Variants in LIAS observed in about 807,000 individuals in gnomAD.
The protein encoded by LIAS is lipoyl synthase, mitochondrial.
In LIAS, 36 loss-of-function variants were observed where a neutral mutation model predicts 49.4. That is an observed-to-expected ratio of 0.73 (90% CI 0.56 to 0.96). The LOEUF (loss-of-function observed/expected upper bound fraction) is 0.96, where lower values mean the gene tolerates loss of function less well. Among genes scored for constraint, LIAS ranks in the 40% least tolerant of loss-of-function variants. The pLI is 0.00. For synonymous variants in LIAS, 145 were observed against 155.8 expected, an observed-to-expected ratio of 0.93 and a Z score of 0.52; for missense variants, 399 against 456.3, an observed-to-expected ratio of 0.87 and a Z score of 1.14.
At position 39,460,833 on chromosome 4, in the gene LIAS, C is replaced by T. The variant is rs796052701; in HGVS notation, c.89C>T (p.Ser30Phe). ...YFCSPVRPLS[S>F]LPDKKKELLQ... is the part of the protein sequence containing the mutation. Reference sequence around the variant, plus strand: ...TGCAGCCCAGTCAGACCGTTAAGCTCCTTGCCAGATAAAAAAAAGGAACTC... The same window carrying T: ...TGCAGCCCAGTCAGACCGTTAAGCTTCTTGCCAGATAAAAAAAAGGAACTC... Residue 30 changes from serine to phenylalanine, a missense_variant, in exon 2 of 11, where the codon TCC (serine) becomes TTC (phenylalanine). Transcript: ENST00000640888. 20 of 1,604,782 alleles carry T rather than the reference C, an allele frequency of 1.2e-5. No individual in the cohort carries two copies. The highest frequency in any genetic ancestry group is 1.4e-5 in the Non-Finnish European group (16 of 1,177,104).
chr4:39,459,730 C>G (rs1744349004), intron 1 of LIAS, among the ~76,000 whole-genome samples: 1 of 152,192 alleles, frequency 6.6e-6, no homozygotes, highest in Non-Finnish European at 1.5e-5. Context: ...CGTTCAAACA[C>G]AGAAACAATG....
chr4:39,472,110 TACAC>T (rs1164675335), intron 9 of LIAS, among the ~76,000 whole-genome samples: 2 of 143,560 alleles, frequency 1.4e-5, no homozygotes, highest in Non-Finnish European at 3.1e-5. Flanking sequence ...TATCTGTATA[TACAC>T]ACACACATAT....
In LIAS at chr4:39,459,709, C is replaced by T. The variant is rs537891689; in HGVS notation, c.45+547C>T. Among the ~76,000 whole-genome samples, 4 of 152,318 alleles carry T rather than the reference C, an allele frequency of 2.6e-5. No homozygotes were observed. In the East Asian group the frequency reaches 7.7e-4, roughly 29 times the overall value. On this transcript the variant is annotated intron_variant, in intron 1 of 10. Coordinates refer to ENST00000640888, the MANE Select transcript of LIAS (RefSeq NM_006859.4). ...GCCGAATACCATGATTTCTTATGTT[C>T]TTGACTGCCACGTTCAAACACAGAA...
rs74846190 is a variant in LIAS at position 39,460,991 on chromosome 4, G to A, written c.218+29G>A. The stretch of plus-strand genomic sequence containing the variant: ...ATTGAAAATTTGAGATAATTTTAAC[G>A]TCCCGTTCCTTTATTGTGCATTATT... On this transcript the variant is annotated intron_variant, in intron 2 of 10. Coordinates refer to ENST00000640888, the MANE Select transcript of LIAS (RefSeq NM_006859.4). The A allele has an allele frequency of 1.9e-3, 2,939 of 1,558,234 alleles. 44 individuals are homozygous for A. The African/African-American group carries it at 0.037, about 19-fold the overall frequency.
chr4:39,479,074 G>C lies in LIAS; in HGVS notation c.*1959G>C, dbSNP rs1443513667. ...AAATACAAAAAATTAGCTGGGTGTG[G>C]TGGCACATGCTTGTAATCTCAGCTA... On this transcript the variant is annotated 3_prime_UTR_variant, in exon 11 of 11. Transcript: ENST00000640888. 1 of 152,194 alleles carries C rather than the reference G, an allele frequency of 6.6e-6. No homozygotes were observed. Among genetic ancestry groups the C allele is most frequent in the East Asian group, 1.9e-4 (1 of 5,194 alleles). 9.4% of individuals were successfully genotyped at this position (152,194 alleles called of 1,614,324 possible).
At chr4:39,473,001 A>G (rs1197089502) in intron 9 of LIAS, 99 bp from the exon 10 acceptor site, 36 of 678,806 alleles carry the variant, frequency 5.3e-5, no homozygotes, top group Non-Finnish European at 3.6e-5. Context: ...GGCAAGATAA[A>G]TTACGCAGTG....
chr4:39,459,312 AATT>A, intron 1 of LIAS, 150 bp downstream of exon 1: 1 of 667,018 alleles, frequency 1.5e-6, no homozygotes, highest in South Asian at 1.9e-5. Context: ...AATCTCATGT[AATT>A]ATCCCGCCAG....
chr4:39,459,089 C>A lies in LIAS; in HGVS notation c.-29C>A. The A allele has an allele frequency of 6.2e-7, 1 of 1,613,858 alleles. No homozygotes were observed. Among genetic ancestry groups the A allele is most frequent in the Non-Finnish European group, 8.5e-7 (1 of 1,179,748 alleles). On this transcript the variant is annotated 5_prime_UTR_variant, in exon 1 of 11. Transcript: ENST00000640888. ...TCCCGGGAGTTAGCGATCCCTCAACCCCTGCACTGCGCTAGTCCTAAAGAG... is the reference window on the plus strand; with the variant it reads ...TCCCGGGAGTTAGCGATCCCTCAACACCTGCACTGCGCTAGTCCTAAAGAG...
intron 8 of LIAS, 68 bp from the exon 9 acceptor site, chr4:39,471,168 T>C: frequency 8.4e-7 from 1 of 1,187,482 alleles, no homozygotes; most frequent in Non-Finnish European, 1.2e-6. Flanking sequence ...AAATATTCCT[T>C]AGGAAAATTA....
intron 9 of LIAS, 151 bp from the exon 10 acceptor site, chr4:39,472,949 C>T (rs1009624483): frequency 3.4e-5 from 19 of 561,528 alleles, no homozygotes; most frequent in African/African-American, 2.9e-4. Flanking sequence ...CCAGTAAACA[C>T]GTAGTCAGGG....
At chr4:39,459,207 C>T in intron 1 of LIAS, 45 bp downstream of exon 1, 1 of 1,580,276 alleles carries the variant, frequency 6.3e-7, no homozygotes. Flanking sequence ...TGGGGGGATC[C>T]TATCCCTTCA....
chr4:39,472,987 T>G, intron 9 of LIAS, 113 bp from the exon 10 acceptor site: 1 of 619,404 alleles, frequency 1.6e-6, no homozygotes, highest in Non-Finnish European at 2.8e-6. Flanking sequence ...AGCCTGGGGG[T>G]GGGGGCAAGA....
chr4:39,459,142 G>T lies in LIAS; in HGVS notation c.25G>T (p.Ala9Ser), dbSNP rs999105881. The change falls in exon 1 of 11, where the codon GCC becomes TCC. Residue 9 changes from alanine (A) to serine (S), a missense_variant. Ala to Ser is a moderately conservative substitution (Grantham distance 99). Around this residue, in one of 3 missense-constraint regions of LIAS, gnomAD observed 159 missense variants for 147.6 expected, o/e 1.08. Coordinates refer to ENST00000640888, the MANE Select transcript of LIAS (RefSeq NM_006859.4). MSLRCGDA[A>S]RTLGPRVFGR... ...AATGTCTCTACGCTGCGGGGATGCAGCCCGCACCCTGGGGCCCCGGGTGAG... is the reference window on the plus strand; with the variant it reads ...AATGTCTCTACGCTGCGGGGATGCATCCCGCACCCTGGGGCCCCGGGTGAG... The T allele has an allele frequency of 4.3e-6, 7 of 1,613,640 alleles. No individual in the cohort carries two copies. Among genetic ancestry groups the T allele is most frequent in the African/African-American group, 2.7e-5 (2 of 74,946 alleles).
In LIAS at chr4:39,459,158, C is replaced by A. The variant is rs1744299732; in HGVS notation, c.41C>A (p.Pro14His). Reference protein sequence around the residue: ...RCGDAARTLGPRVFGRYFCSP... With the variant: ...RCGDAARTLGHRVFGRYFCSP... ...GGGGATGCAGCCCGCACCCTGGGGC[C>A]CCGGGTGAGCGGCGGGGCGAACGGG... Residue 14 changes from proline to histidine, a missense_variant, in exon 1 of 11, where the codon CCC (proline) becomes CAC (histidine). Coordinates refer to ENST00000640888, the MANE Select transcript of LIAS (RefSeq NM_006859.4). 2 of 1,612,898 alleles carry A rather than the reference C, an allele frequency of 1.2e-6. No individual in the cohort carries two copies. The highest frequency in any genetic ancestry group is 3.3e-5 in the Admixed American group (2 of 59,976).
At chr4:39,463,286 G>A (rs1744614230) in intron 3 of LIAS, among the ~76,000 whole-genome samples, 1 of 152,044 alleles carries the variant, frequency 6.6e-6, no homozygotes, top group Admixed American at 6.6e-5. Context: ...ATTTCACTAT[G>A]TTGCCCAGAC....
At chr4:39,469,973 G>T (rs1314035082) in intron 7 of LIAS, 46 bp from the exon 8 acceptor site, 8 of 1,574,692 alleles carry the variant, frequency 5.1e-6, no homozygotes, top group African/African-American at 1.4e-5. Flanking sequence ...CTATGTACTT[G>T]GTTGAACTTG....
chr4:39,477,238 AAT>A lies in LIAS; in HGVS notation c.*124_*125del, dbSNP rs1483320784. The A allele has an allele frequency of 2.6e-5, 19 of 738,230 alleles. No homozygotes were observed. The Admixed American group carries it at 4.1e-4, about 16-fold the overall frequency. The allele number at this position is 738,230 out of a possible 1,614,324, so 45.7% of individuals were successfully genotyped here. ...CCCCACCTCTTTGCTTAAAAAAAAA[AAT>A]GTCAATAGCCAGGCATAGTGGCTCA... On this transcript the variant is annotated 3_prime_UTR_variant, in exon 11 of 11. Coordinates refer to ENST00000640888, the MANE Select transcript of LIAS (RefSeq NM_006859.4).
At chr4:39,464,961 C>T (rs566381236) in intron 4 of LIAS, 85 bp from the exon 5 acceptor site, 1 of 1,127,398 alleles carries the variant, frequency 8.9e-7, no homozygotes, top group Non-Finnish European at 1.3e-6. Flanking sequence ...TGTATGCATT[C>T]TTTGCAACTT....
chr4:39,474,925 T>C (rs1179175423), intron 10 of LIAS: 1 of 151,938 alleles, frequency 6.6e-6, no homozygotes, highest in Non-Finnish European at 1.5e-5. Context: ...AAACTAGGTA[T>C]TGGCCAGGCG....
Sources: allele counts gnomAD v4.1 joint callset (sites outside exome capture counted in the v4.1 genomes callset), GRCh38; gene constraint gnomAD v4.1.1; regional missense constraint gnomAD v4.1.1; transcripts MANE v1.5; gene names NCBI Gene and HGNC (gene_info 2026-07-23, HGNC 2026-07-21).